SLC24A3: variants seen among roughly 807,000 people sequenced by gnomAD.
SLC24A3 encodes sodium/potassium/calcium exchanger 3.
Under a neutral mutation model 75.8 loss-of-function variants are expected in SLC24A3, and 28 were observed. The ratio of observed to expected loss-of-function variants is 0.37; its 90% CI spans 0.27 to 0.51. SLC24A3 has a LOEUF of 0.51. SLC24A3 is among the 20% of genes least tolerant of loss of function. The probability of loss-of-function intolerance (pLI) is 0.94; values close to 1 mark genes in which losing one functional copy is unlikely to be tolerated. For missense variants in SLC24A3, 663 were observed against 847.8 expected, an observed-to-expected ratio of 0.78 and a Z score of 2.71; for synonymous variants, 372 against 334.1, an observed-to-expected ratio of 1.11 and a Z score of -1.24.
intron 2 of SLC24A3, among the ~76,000 whole-genome samples, chr20:19,456,954 C>T (rs1987589057): frequency 6.6e-6 from 1 of 152,180 alleles, no homozygotes; most frequent in Non-Finnish European, 1.5e-5. Flanking sequence ...CTGTTAATGA[C>T]TTGGAAGCTT....
At chr20:19,428,123 C>T (rs1202351172) in intron 2 of SLC24A3, among the ~76,000 whole-genome samples, 1 of 152,186 alleles carries the variant, frequency 6.6e-6, no homozygotes, top group Non-Finnish European at 1.5e-5. Flanking sequence ...GTGTCTCGTG[C>T]ACATTCCTCA....
intron 2 of SLC24A3, among the ~76,000 whole-genome samples, chr20:19,301,324 G>A (rs997362412): frequency 2.0e-5 from 3 of 152,220 alleles, no homozygotes; most frequent in African/African-American, 7.2e-5. Context: ...ACAGGCTGGA[G>A]CAGGACACCT....
intron 1 of SLC24A3, among the ~76,000 whole-genome samples, chr20:19,255,865 GA>G (rs1037310160): frequency 2.0e-5 from 3 of 152,154 alleles, no homozygotes; most frequent in Non-Finnish European, 4.4e-5. Flanking sequence ...AGAGGCCAAG[GA>G]GGGAGGATTA....
chr20:19,596,298 G>A (rs2031452655), intron 6 of SLC24A3, among the ~76,000 whole-genome samples: 1 of 152,134 alleles, frequency 6.6e-6, no homozygotes, highest in Non-Finnish European at 1.5e-5. Flanking sequence ...AATATTTTTT[G>A]GAGGTGATGC....
intron 1 of SLC24A3, among the ~76,000 whole-genome samples, chr20:19,250,391 A>G (rs541512108): frequency 1.8e-3 from 273 of 152,370 alleles, no homozygotes; most frequent in African/African-American, 6.1e-3. Flanking sequence ...CTTTTTAAAC[A>G]GAACAATCAG....
intron 1 of SLC24A3, among the ~76,000 whole-genome samples, chr20:19,273,068 C>A (rs924061904): frequency 1.3e-5 from 2 of 152,176 alleles, no homozygotes; most frequent in African/African-American, 4.8e-5. Context: ...ACAATCATAG[C>A]AGAATCTGCC....
rs578081143 is a variant in SLC24A3, at chr20:19,707,987, G to A, written c.1719+9307G>A. Reference sequence around the variant, plus strand: ...ACGTAAGAAGGTAAGTGTAGATAGAGGAGAGGGCCTAGAACATGTCGTGAT... The same window carrying A: ...ACGTAAGAAGGTAAGTGTAGATAGAAGAGAGGGCCTAGAACATGTCGTGAT... On this transcript the variant is annotated intron_variant, in intron 15 of 16. Coordinates refer to ENST00000328041, the MANE Select transcript of SLC24A3 (RefSeq NM_020689.4). Among the ~76,000 whole-genome samples, 50 of 151,688 alleles carry A rather than the reference G, an allele frequency of 3.3e-4. 1 individual carries two copies. Among genetic ancestry groups the A allele is most frequent in the African/African-American group, 1.0e-3 (43 of 41,346 alleles).
chr20:19,602,804 C>T (rs1327014888), intron 6 of SLC24A3, among the ~76,000 whole-genome samples: 1 of 152,174 alleles, frequency 6.6e-6, no homozygotes, highest in Non-Finnish European at 1.5e-5. Flanking sequence ...ACGGGAGTCC[C>T]TGACTCTCTC....
At chr20:19,346,956 T>G (rs1985442993) in intron 2 of SLC24A3, among the ~76,000 whole-genome samples, 1 of 152,060 alleles carries the variant, frequency 6.6e-6, no homozygotes, top group Non-Finnish European at 1.5e-5. Flanking sequence ...AGCCCCAAAT[T>G]TGGAAGCAAC....
intron 3 of SLC24A3, among the ~76,000 whole-genome samples, chr20:19,577,350 C>T (rs747409376): frequency 6.6e-6 from 1 of 152,070 alleles, no homozygotes; most frequent in South Asian, 2.1e-4. Flanking sequence ...CCACCGTGCC[C>T]GTTAATCGAC....
At chr20:19,620,450 G>A (rs772148030) in intron 6 of SLC24A3, among the ~76,000 whole-genome samples, 5 of 152,268 alleles carry the variant, frequency 3.3e-5, no homozygotes, top group African/African-American at 9.6e-5. Flanking sequence ...GAGATTAGGC[G>A]TTATTAAGAG....
intron 2 of SLC24A3, among the ~76,000 whole-genome samples, chr20:19,342,551 G>A (rs1985293676): frequency 6.6e-6 from 1 of 152,210 alleles, no homozygotes; most frequent in Non-Finnish European, 1.5e-5. Context: ...AAAGACATGG[G>A]AATTTATTTA....
rs1385568397 is a variant in SLC24A3 at position 19,678,872 on chromosome 20, G to A, written c.768-2986G>A. ...CTCCTCACCTCCCAGACGGGGTCGC[G>A]GCCGGGCAGAGGCTCTCCTCACATC... On this transcript the variant is annotated intron_variant, in intron 9 of 16. Transcript: ENST00000328041. 1.2e-3 allele frequency among the ~76,000 whole-genome samples: 181 copies of A among 151,788 alleles called. 1 individual carries two copies. Among genetic ancestry groups the A allele is most frequent in the African/African-American group, 4.0e-3 (167 of 41,360 alleles).
chr20:19,252,643 C>CAGGGG (rs113050087), intron 1 of SLC24A3, among the ~76,000 whole-genome samples: 1 of 133,362 alleles, frequency 7.5e-6, no homozygotes, highest in Non-Finnish European at 1.7e-5. Context: ...ATTGGAATGG[C>CAGGGG]GGGGGGGGGT....
At chr20:19,586,824 A>G (rs902320318) in intron 6 of SLC24A3, among the ~76,000 whole-genome samples, 2 of 152,226 alleles carry the variant, frequency 1.3e-5, no homozygotes, top group African/African-American at 4.8e-5. Context: ...CTCCCAGTAC[A>G]TGGTGACTGA....
chr20:19,684,487 C>A (rs941015099), intron 11 of SLC24A3, 151 bp downstream of exon 11: 48 of 896,222 alleles, frequency 5.4e-5, no homozygotes, highest in Non-Finnish European at 6.8e-5. Flanking sequence ...GTTCCCTGGG[C>A]CAGCTGTATA....
rs1288171670 is a variant in SLC24A3 at position 19,617,027 on chromosome 20, T to A, written c.612+31483T>A. On this transcript the variant is annotated intron_variant, in intron 6 of 16. Transcript: ENST00000328041. The stretch of plus-strand genomic sequence containing the variant: ...CAAGCAGATGAAGCCCCTCCCCTCA[T>A]GAGCTTTACATTCCCTGGAATATAT... Among the ~76,000 whole-genome samples the A allele has an allele frequency of 2.0e-5, 3 of 152,124 alleles. No individual in the cohort carries two copies. The East Asian group carries it at 5.8e-4, about 29-fold the overall frequency.
At chr20:19,685,723 T>A (rs1266264787) in intron 12 of SLC24A3, among the ~76,000 whole-genome samples, 2 of 152,162 alleles carry the variant, frequency 1.3e-5, no homozygotes, top group African/African-American at 2.4e-5. Flanking sequence ...GCTGAGGAGA[T>A]AGGAGATCAG....
chr20:19,546,760 G>A (rs1380907323), intron 3 of SLC24A3, among the ~76,000 whole-genome samples: 1 of 139,076 alleles, frequency 7.2e-6, no homozygotes, highest in Non-Finnish European at 1.6e-5. Context: ...TTCCCAACCT[G>A]GTTTCTGCCT....
Sources: allele counts gnomAD v4.1 joint callset (sites outside exome capture counted in the v4.1 genomes callset), GRCh38; gene constraint gnomAD v4.1.1; transcripts MANE v1.5; gene names NCBI Gene and HGNC (gene_info 2026-07-23, HGNC 2026-07-21).